SRGAP2: variants seen among roughly 807,000 people sequenced by gnomAD.
The protein encoded by SRGAP2 is SLIT-ROBO Rho GTPase-activating protein 2.
In SRGAP2, 15 loss-of-function variants were observed where a neutral mutation model predicts 57.2. The observed-to-expected ratio is 0.26, with a 90% CI of 0.18 to 0.40. The LOEUF is 0.40. SRGAP2 is among the 10% of genes least tolerant of loss of function. The pLI, the probability that SRGAP2 is intolerant of heterozygous loss-of-function variation, is 1.00. For missense variants in SRGAP2, 520 were observed against 669.6 expected (o/e 0.78, Z 2.47); for synonymous variants, 249 against 248.0 (o/e 1.00, Z -0.04).
At chr1:206,437,096 T>C (rs1661830694) in intron 15 of SRGAP2, 54 bp downstream of exon 15, 2 of 778,604 alleles carry the variant, frequency 2.6e-6, no homozygotes, top group Non-Finnish European at 4.8e-6. Context: ...CCCTGGGGTA[T>C]TGGCTCCACC....
At chr1:206,413,438 A>G (rs1473183363) in intron 10 of SRGAP2, among the ~76,000 whole-genome samples, 1 of 152,226 alleles carries the variant, frequency 6.6e-6, no homozygotes, top group Non-Finnish European at 1.5e-5. Context: ...GCAGATGGAA[A>G]AGGGAAGGTG....
At chr1:206,384,463 G>T (rs1487723241) in intron 5 of SRGAP2, among the ~76,000 whole-genome samples, 7 of 150,912 alleles carry the variant, frequency 4.6e-5, no homozygotes, top group Non-Finnish European at 7.4e-5. Context: ...AGCCTTTATT[G>T]TTCTAGGTTT....
chr1:206,322,436 C>T (rs1203782007), intron 3 of SRGAP2, among the ~76,000 whole-genome samples: 2 of 151,728 alleles, frequency 1.3e-5, no homozygotes, highest in Non-Finnish European at 2.9e-5. Context: ...AAAAATTAGC[C>T]GGGCGTGGTG....
intron 19 of SRGAP2, 93 bp from the exon 20 acceptor site, chr1:206,453,107 C>T (rs578048728): frequency 3.1e-5 from 14 of 453,040 alleles, no homozygotes; most frequent in South Asian, 3.1e-4. Context: ...AATTTCCTAC[C>T]ACTGTAAGTT....
chr1:206,323,335 A>T (rs1471315717), intron 3 of SRGAP2, among the ~76,000 whole-genome samples: 6 of 152,310 alleles, frequency 3.9e-5, no homozygotes, highest in African/African-American at 1.4e-4. Flanking sequence ...GAGAAGTGAG[A>T]GACCCATGTA....
intron 4 of SRGAP2, among the ~76,000 whole-genome samples, chr1:206,378,862 C>T (rs1224562193): frequency 6.6e-6 from 1 of 152,208 alleles, no homozygotes; most frequent in Non-Finnish European, 1.5e-5. Context: ...AAGGAACCAA[C>T]TCCGGACACA....
chr1:206,249,142 G>T (rs1463418208), intron 2 of SRGAP2, among the ~76,000 whole-genome samples: 1 of 151,248 alleles, frequency 6.6e-6, no homozygotes. Context: ...CCTGTCTCAG[G>T]GCCCTGCTGT....
intron 14 of SRGAP2, among the ~76,000 whole-genome samples, chr1:206,432,911 T>G (rs782028466): frequency 1.3e-5 from 2 of 152,226 alleles, no homozygotes; most frequent in Admixed American, 6.5e-5. Flanking sequence ...CGTGGCTGAC[T>G]GGGAGCTGTG....
At chr1:206,451,888 C>A (rs1553376089) in intron 19 of SRGAP2, among the ~76,000 whole-genome samples, 1 of 152,200 alleles carries the variant, frequency 6.6e-6, no homozygotes, top group Non-Finnish European at 1.5e-5. Context: ...ATAGTGAAAT[C>A]TCCAACCCCT....
At chr1:206,361,372 G>A (rs150805257) in intron 4 of SRGAP2, among the ~76,000 whole-genome samples, 1,918 of 152,092 alleles carry the variant, frequency 0.013, 25 homozygotes, top group South Asian at 0.027. Flanking sequence ...TTACCTTCTT[G>A]TGAATCCTAC....
intron 19 of SRGAP2, 146 bp downstream of exon 19, chr1:206,450,611 T>C: frequency 3.3e-6 from 2 of 609,002 alleles, no homozygotes; most frequent in Non-Finnish European, 3.0e-6. Context: ...TTCATTCCCT[T>C]CCTTCCTTGG....
At chr1:206,226,577 C>T (rs1667286626) in intron 2 of SRGAP2, among the ~76,000 whole-genome samples, 2 of 152,134 alleles carry the variant, frequency 1.3e-5, no homozygotes, top group Admixed American at 1.3e-4. Flanking sequence ...CATATAATTC[C>T]TACATCTAGG....
At chr1:206,426,271 C>A (rs1553366295) in intron 13 of SRGAP2, among the ~76,000 whole-genome samples, 1 of 152,204 alleles carries the variant, frequency 6.6e-6, no homozygotes, top group East Asian at 1.9e-4. Context: ...ACAGTGTCCT[C>A]CAGTTCCATC....
chr1:206,222,887 T>C (rs1444302731), intron 2 of SRGAP2, among the ~76,000 whole-genome samples: 6 of 149,946 alleles, frequency 4.0e-5, no homozygotes, highest in Non-Finnish European at 5.9e-5. Context: ...AGATAATATA[T>C]GGCCTCCTCC....
chr1:206,228,862 C>T (rs1667444510), intron 2 of SRGAP2, among the ~76,000 whole-genome samples: 1 of 150,356 alleles, frequency 6.7e-6, no homozygotes, highest in South Asian at 2.1e-4. Context: ...TCCTTCTCAA[C>T]CAGCCAAAGG....
intron 19 of SRGAP2, among the ~76,000 whole-genome samples, chr1:206,452,358 T>C (rs1486625412): frequency 2.6e-5 from 4 of 152,226 alleles, no homozygotes; most frequent in Non-Finnish European, 4.4e-5. Flanking sequence ...TTGAGCAAGT[T>C]ATTTTCTCTT....
intron 2 of SRGAP2, among the ~76,000 whole-genome samples, chr1:206,278,446 T>C (rs1476051901): frequency 7.1e-6 from 1 of 140,398 alleles, no homozygotes; most frequent in African/African-American, 2.7e-5. Flanking sequence ...ACTCCTGGGC[T>C]CAAGGGATCC....
At chr1:206,445,089 G>A (rs782819154) in intron 17 of SRGAP2, among the ~76,000 whole-genome samples, 44 of 152,206 alleles carry the variant, frequency 2.9e-4, no homozygotes, top group Non-Finnish European at 5.9e-5. Flanking sequence ...CTCAGGCCTC[G>A]TTTCCCAACA....
chr1:206,322,430 ATT>A (rs1673527486), intron 3 of SRGAP2, among the ~76,000 whole-genome samples: 3 of 151,544 alleles, frequency 2.0e-5, no homozygotes, highest in Admixed American at 1.3e-4. Flanking sequence ...AAAAAAAAAA[ATT>A]AGCCGGGCGT....
Sources: gnomAD v4.1 joint callset for allele counts (sites outside exome capture counted in the v4.1 genomes callset) on GRCh38, gnomAD v4.1.1 for gene constraint, MANE v1.5 for transcripts, NCBI Gene and HGNC (gene_info 2026-07-23, HGNC 2026-07-21) for gene names.